The following YEATS2 variants were observed in gnomAD, a reference collection of about 807,000 sequenced individuals.
YEATS2 encodes the protein YEATS domain containing 2.
A neutral mutation model predicts 163.2 loss-of-function variants in YEATS2; 77 were observed. The ratio of observed to expected loss-of-function variants is 0.47; its 90% confidence interval spans 0.39 to 0.57. YEATS2 has a LOEUF of 0.57. YEATS2 is among the 20% of genes least tolerant of loss of function. YEATS2 has a pLI of 0.00. For synonymous variants in YEATS2, 631 were observed against 645.1 expected (o/e 0.98, Z 0.33); for missense variants, 1,549 against 1,729.8 (o/e 0.90, Z 1.85).
rs374161882 is a variant in YEATS2, at chr3:183,785,476, G to A, written c.2737-649G>A. ...TGCACTCCAGCCTGGGCGACAGAGC[G>A]AGACTCTGTCTCAAAAAAAAAAAAA... On this transcript the variant is annotated intron_variant, in intron 19 of 30. Coordinates refer to ENST00000305135, the MANE Select transcript of YEATS2 (RefSeq NM_018023.5). Among the ~76,000 whole-genome samples the A allele has an allele frequency of 1.2e-4, 18 of 144,422 alleles. 1 individual carries two copies. Among genetic ancestry groups the A allele is most frequent in the Admixed American group, 4.9e-4 (7 of 14,368 alleles). The allele number at this position is 144,422 out of a possible 152,430, so 94.7% of individuals were successfully genotyped here. A position where few individuals can be genotyped will look rare whatever the true frequency, so the allele number is the denominator to read the frequency against.
At chr3:183,757,175 T>C (rs149999902) in intron 12 of YEATS2, among the ~76,000 whole-genome samples, 1 of 152,310 alleles carries the variant, frequency 6.6e-6, no homozygotes, top group Non-Finnish European at 1.5e-5. Flanking sequence ...AAAGTCATCC[T>C]TGGGTTCACC....
At chr3:183,750,464 A>G (rs1013940940) in intron 9 of YEATS2, among the ~76,000 whole-genome samples, 4 of 152,180 alleles carry the variant, frequency 2.6e-5, no homozygotes, top group African/African-American at 9.7e-5. Flanking sequence ...AATTGGCTGG[A>G]TCCTATGGTA....
intron 17 of YEATS2, among the ~76,000 whole-genome samples, chr3:183,775,528 G>C (rs1157745137): frequency 6.6e-6 from 1 of 152,212 alleles, no homozygotes; most frequent in East Asian, 1.9e-4. Flanking sequence ...CCGGGAGGCA[G>C]AGGTTGCAGT....
At chr3:183,714,835 C>T (rs78862414) in intron 1 of YEATS2, among the ~76,000 whole-genome samples, 2,283 of 151,912 alleles carry the variant, frequency 0.015, 69 homozygotes, top group East Asian at 0.14. Flanking sequence ...TTTGAAAAGT[C>T]TGAACAATGT....
intron 15 of YEATS2, 65 bp downstream of exon 15, chr3:183,762,344 A>C (rs1451040533): frequency 1.3e-6 from 2 of 1,496,822 alleles, no homozygotes; most frequent in East Asian, 4.6e-5. Context: ...AATAATTGAC[A>C]AGTGCTGAAA....
intron 4 of YEATS2, among the ~76,000 whole-genome samples, chr3:183,719,954 C>T (rs188968706): frequency 6.6e-6 from 1 of 152,182 alleles, no homozygotes; most frequent in Admixed American, 6.6e-5. Context: ...ATGAATATCT[C>T]ACATTTTGGA....
At chr3:183,711,265 T>G (rs1715174039) in intron 1 of YEATS2, among the ~76,000 whole-genome samples, 1 of 151,874 alleles carries the variant, frequency 6.6e-6, no homozygotes, top group Non-Finnish European at 1.5e-5. Flanking sequence ...GGTCAGGAGA[T>G]TGAGACCATC....
intron 20 of YEATS2, 90 bp downstream of exon 20, chr3:183,786,391 C>G (rs1046406358): frequency 7.9e-7 from 1 of 1,264,480 alleles, no homozygotes; most frequent in African/African-American, 1.5e-5. Context: ...ACCAGTGGAC[C>G]TTTTAAAAAT....
chr3:183,771,947 G>A (rs1380759813), intron 15 of YEATS2, among the ~76,000 whole-genome samples: 4 of 151,836 alleles, frequency 2.6e-5, no homozygotes, highest in Admixed American at 6.6e-5. Context: ...GGCTGGTCTC[G>A]AACTCCTGAC....
intron 1 of YEATS2, among the ~76,000 whole-genome samples, chr3:183,712,067 C>T (rs952198071): frequency 1.3e-5 from 2 of 151,722 alleles, no homozygotes; most frequent in African/African-American, 2.4e-5. Context: ...ATCCGCCTAC[C>T]TTGCCCTCCC....
intron 9 of YEATS2, 58 bp from the exon 10 acceptor site, chr3:183,752,015 G>T: frequency 1.3e-6 from 2 of 1,591,752 alleles, no homozygotes; most frequent in South Asian, 2.2e-5. Context: ...GACGGGACTT[G>T]AGCTTTCTGT....
rs1717406875 is a variant in YEATS2, at chr3:183,728,848, T to G, written c.809T>G (p.Val270Gly). 6.2e-7 allele frequency: 1 copy of G among 1,608,948 alleles called. No homozygotes were observed. The highest frequency in any genetic ancestry group is 8.5e-7 in the Non-Finnish European group (1 of 1,178,580). ...PSYKPNDLVE[V>G]REPPFHLTRR... ...TATAAACCAAATGACCTTGTGGAAG[T>G]TAGGTAAGCACGCTTGAGGTATTTA... The change falls in exon 7 of 31, where the codon GTT becomes GGT. Residue 270 changes from valine (V) to glycine (G), a missense_variant. Val to Gly is a moderately radical substitution (Grantham distance 109, BLOSUM62 -3). Coordinates refer to ENST00000305135, the MANE Select transcript of YEATS2 (RefSeq NM_018023.5).
intron 7 of YEATS2, among the ~76,000 whole-genome samples, chr3:183,732,590 C>T (rs984581144): frequency 5.3e-5 from 8 of 151,742 alleles, no homozygotes; most frequent in African/African-American, 1.7e-4. Flanking sequence ...GACAGAGTCT[C>T]GCTCTGCTGC....
In YEATS2 at chr3:183,803,925, T is replaced by TA. The variant is rs537777732; in HGVS notation, c.3583-61dup. 52 of 1,553,066 alleles carry TA rather than the reference T, an allele frequency of 3.3e-5. 1 individual carries two copies. The East Asian group carries it at 1.1e-3, about 34-fold the overall frequency. On this transcript the variant is annotated intron_variant, in intron 26 of 30. Coordinates refer to ENST00000305135, the MANE Select transcript of YEATS2 (RefSeq NM_018023.5). ...AGGATGGTGATTTATGGTTGCATGA[T>TA]ACGTAGTTGTGTTAAGTGGAAGGAT... is the stretch of plus-strand genomic sequence containing the variant.
chr3:183,762,965 T>C (rs949936885), intron 15 of YEATS2, among the ~76,000 whole-genome samples: 2 of 151,860 alleles, frequency 1.3e-5, no homozygotes, highest in African/African-American at 4.8e-5. Context: ...GCAGGAGAAT[T>C]GCTTGAACCT....
At chr3:183,748,415 C>T (rs1397454019) in intron 9 of YEATS2, among the ~76,000 whole-genome samples, 2 of 151,948 alleles carry the variant, frequency 1.3e-5, no homozygotes, top group Non-Finnish European at 2.9e-5. Context: ...CCACACCCAG[C>T]TAATTTTTGT....
At chr3:183,782,245 GATTACAGGC>G (rs1406487913) in intron 19 of YEATS2, among the ~76,000 whole-genome samples, 3 of 151,886 alleles carry the variant, frequency 2.0e-5, no homozygotes, top group African/African-American at 7.3e-5. Context: ...GAGTAGCTGG[GATTACAGGC>G]ATTCGCCACC....
intron 6 of YEATS2, among the ~76,000 whole-genome samples, chr3:183,727,040 A>T (rs1421798501): frequency 6.6e-6 from 1 of 152,080 alleles, no homozygotes; most frequent in Non-Finnish European, 1.5e-5. Flanking sequence ...AATTTGGGTG[A>T]TCTACCTGCC....
At position 183,752,215 on chromosome 3, in the gene YEATS2, A is replaced by G. The variant is rs1452506277; in HGVS notation, c.1112A>G (p.Gln371Arg). Reference protein sequence around the residue: ...APVKASSPIKQSHEPVPDTSV... With the variant: ...APVKASSPIKRSHEPVPDTSV... The stretch of plus-strand genomic sequence containing the variant: ...GTGAAAGCTTCTTCACCAATAAAGC[A>G]GTCACATGAGCCAGTACCCGATACC... Residue 371 changes from glutamine (Q) to arginine (R), a missense_variant, in exon 10 of 31, where the codon CAG becomes CGG. By Grantham distance (43) the Gln-to-Arg change is conservative. Transcript: ENST00000305135. The G allele has an allele frequency of 2.2e-5, 35 of 1,614,094 alleles. No homozygotes were observed. Among genetic ancestry groups the G allele is most frequent in the Non-Finnish European group, 2.6e-5 (31 of 1,180,044 alleles).
Sources: gnomAD v4.1 joint callset for allele counts (sites outside exome capture counted in the v4.1 genomes callset) on GRCh38, gnomAD v4.1.1 for gene constraint, MANE v1.5 for transcripts, NCBI Gene and HGNC (gene_info 2026-07-23, HGNC 2026-07-21) for gene names.